The following DOCK1 variants were observed in gnomAD, a reference collection of about 807,000 sequenced individuals.
DOCK1 encodes the protein dedicator of cytokinesis 1, also known as dedicator of cytokinesis protein 1.
DOCK1 carries 138 observed loss-of-function variants against 262.7 expected under a neutral mutation model. The ratio of observed to expected loss-of-function variants is 0.53; its 90% CI spans 0.46 to 0.61. DOCK1 has a LOEUF of 0.61. Among genes scored for constraint, DOCK1 ranks in the 20% least tolerant of loss-of-function variants. The probability of loss-of-function intolerance (pLI) is 0.00; values close to 1 mark genes in which losing one functional copy is unlikely to be tolerated. For missense variants in DOCK1, 1,908 were observed against 2,370.7 expected (o/e 0.80, Z 4.05); for synonymous variants, 866 against 867.4 (o/e 1.00, Z 0.03).
chr10:126,974,431 G>A (rs1023023804), intron 2 of DOCK1, among the ~76,000 whole-genome samples: 1 of 152,126 alleles, frequency 6.6e-6, no homozygotes, highest in East Asian at 1.9e-4. Flanking sequence ...TGTCCTCCCC[G>A]AGTTTGGGAC....
intron 27 of DOCK1, among the ~76,000 whole-genome samples, chr10:127,199,260 C>T (rs1349744431): frequency 6.6e-6 from 1 of 152,142 alleles, no homozygotes; most frequent in Non-Finnish European, 1.5e-5. Context: ...ATCCACGTCT[C>T]TCTTCTTTTG....
chr10:126,968,318 A>G (rs1229488431), intron 1 of DOCK1, among the ~76,000 whole-genome samples: 1 of 151,024 alleles, frequency 6.6e-6, no homozygotes, highest in Non-Finnish European at 1.5e-5. Context: ...TAGTCCTAAA[A>G]TGAACAAAGG....
chr10:127,143,222 TA>T (rs1265393928), intron 27 of DOCK1, among the ~76,000 whole-genome samples: 1 of 152,194 alleles, frequency 6.6e-6, no homozygotes, highest in Non-Finnish European at 1.5e-5. Flanking sequence ...AGTTAAGAGT[TA>T]AAAGCAGGAC....
intron 29 of DOCK1, among the ~76,000 whole-genome samples, chr10:127,270,825 G>C (rs921683228): frequency 6.6e-6 from 1 of 152,162 alleles, no homozygotes; most frequent in African/African-American, 2.4e-5. Flanking sequence ...ACATCAGACT[G>C]ATTTTTCTTT....
At chr10:127,170,313 A>G (rs1287897723) in intron 27 of DOCK1, among the ~76,000 whole-genome samples, 1 of 152,150 alleles carries the variant, frequency 6.6e-6, no homozygotes, top group Non-Finnish European at 1.5e-5. Context: ...GTCATGTTTA[A>G]GGGCCTGGGG....
chr10:127,157,274 G>A (rs1297807080), intron 27 of DOCK1, among the ~76,000 whole-genome samples: 8 of 152,184 alleles, frequency 5.3e-5, no homozygotes, highest in Admixed American at 2.6e-4. Flanking sequence ...AGACCGTCAC[G>A]TGTTAACATC....
rs1359215206 is a variant in DOCK1, at chr10:127,396,963, C to T, written c.3928-6092C>T. Reference sequence around the variant, plus strand: ...GTGATCTGAGCATGAGTTACACGGGCAGCGTCTCCTGTGATCTGAGCATCA... The same window carrying T: ...GTGATCTGAGCATGAGTTACACGGGTAGCGTCTCCTGTGATCTGAGCATCA... On this transcript the variant is annotated intron_variant, in intron 38 of 51. Coordinates refer to ENST00000623213, the MANE Select transcript of DOCK1 (RefSeq NM_001290223.2). 3.7e-4 allele frequency among the ~76,000 whole-genome samples: 45 copies of T among 122,754 alleles called. 1 individual carries two copies. Among genetic ancestry groups the T allele is most frequent in the African/African-American group, 1.2e-3 (40 of 34,034 alleles). 80.5% of individuals were successfully genotyped at this position (122,754 alleles called of 152,430 possible).
At chr10:127,438,969 G>T in intron 48 of DOCK1, 58 bp from the exon 49 acceptor site, 1 of 1,478,668 alleles carries the variant, frequency 6.8e-7, no homozygotes, top group Non-Finnish European at 9.1e-7. Context: ...CTTTACACGT[G>T]TCTGTGGGCT....
intron 23 of DOCK1, among the ~76,000 whole-genome samples, chr10:127,079,367 AT>A (rs1564787494): frequency 6.6e-6 from 1 of 152,188 alleles, no homozygotes; most frequent in Non-Finnish European, 1.5e-5. Context: ...TTCTGTCTGC[AT>A]TTCCTCTCTG....
rs1039819829 is a variant in DOCK1 at position 127,080,807 on chromosome 10, T to C, written c.2445+19031T>C. Among the ~76,000 whole-genome samples the C allele has an allele frequency of 2.6e-5, 4 of 152,210 alleles. No individual in the cohort carries two copies. The East Asian group carries it at 5.8e-4, about 22-fold the overall frequency. On this transcript the variant is annotated intron_variant, in intron 23 of 51. Coordinates refer to ENST00000623213, the MANE Select transcript of DOCK1 (RefSeq NM_001290223.2). ...TAATTTAATATTTTAAAATGACACC[T>C]TTGGTCTTTTATTTGTCATAAGCGA...
chr10:127,410,540 A>G (rs2067783050), intron 42 of DOCK1, among the ~76,000 whole-genome samples: 2 of 152,252 alleles, frequency 1.3e-5, no homozygotes, highest in South Asian at 4.1e-4. Flanking sequence ...GTTGAACACA[A>G]AAGCTTTTTT....
intron 33 of DOCK1, among the ~76,000 whole-genome samples, chr10:127,369,485 TC>T (rs941109069): frequency 2.6e-5 from 4 of 152,178 alleles, no homozygotes; most frequent in Non-Finnish European, 5.9e-5. Context: ...TCTTCCATAA[TC>T]CCCTTTAACC....
At position 127,012,438 on chromosome 10, in the gene DOCK1, GGGTT is replaced by G. The variant is rs1304812553; in HGVS notation, c.1201+69_1201+72del. The G allele has an allele frequency of 5.3e-6, 8 of 1,523,308 alleles. No homozygotes were observed. The African/African-American group carries it at 8.2e-5, about 16-fold the overall frequency. 94.4% of individuals were successfully genotyped at this position (1,523,308 alleles called of 1,614,324 possible). On this transcript the variant is annotated intron_variant, in intron 12 of 51. Coordinates refer to ENST00000623213, the MANE Select transcript of DOCK1 (RefSeq NM_001290223.2). The surrounding 1 kb of genome is among the most constrained non-coding windows in gnomAD (Gnocchi z 4.0). ...TGCATGCGTTGGGGCAGTGCTGTCTGGGTTGGTTTTAGTTTGATGTTGATCATGA... is the reference window on the plus strand; with the variant it reads ...TGCATGCGTTGGGGCAGTGCTGTCTGGGTTTTAGTTTGATGTTGATCATGA...
rs768255810 is a variant in DOCK1, at chr10:127,271,843, C to A, written c.3044+14414C>A. Among the ~76,000 whole-genome samples, 3 of 152,238 alleles carry A rather than the reference C, an allele frequency of 2.0e-5. 1 individual carries two copies. Among genetic ancestry groups the A allele is most frequent in the African/African-American group, 7.2e-5 (3 of 41,468 alleles). On this transcript the variant is annotated intron_variant, in intron 29 of 51. Transcript: ENST00000623213. ...TTTTGGAGAATAAAAGGCAGTTACTCTTTTTATATTTGAGTCCACAAAGAA... is the reference window on the plus strand; with the variant it reads ...TTTTGGAGAATAAAAGGCAGTTACTATTTTTATATTTGAGTCCACAAAGAA...
intron 29 of DOCK1, among the ~76,000 whole-genome samples, chr10:127,323,021 C>A (rs1288824180): frequency 6.6e-6 from 1 of 152,160 alleles, no homozygotes; most frequent in South Asian, 2.1e-4. Flanking sequence ...CCTTGTGCTC[C>A]CCAGTCTGTT....
intron 11 of DOCK1, among the ~76,000 whole-genome samples, chr10:127,010,494 G>T (rs1000957648): frequency 1.3e-5 from 2 of 152,274 alleles, no homozygotes; most frequent in South Asian, 4.1e-4. Context: ...GAATGAAGTA[G>T]CATTAAACAT....
At chr10:127,151,101 C>A (rs1564844057) in intron 27 of DOCK1, among the ~76,000 whole-genome samples, 1 of 152,160 alleles carries the variant, frequency 6.6e-6, no homozygotes, top group South Asian at 2.1e-4. Flanking sequence ...CTCCCTTTAT[C>A]ATCTCTTCCT....
chr10:127,252,021 A>G (rs1320162919), intron 28 of DOCK1, among the ~76,000 whole-genome samples: 3 of 151,696 alleles, frequency 2.0e-5, no homozygotes, highest in East Asian at 1.9e-4. Flanking sequence ...AAGTGTTCCT[A>G]TTTCTCCACA....
At position 127,116,389 on chromosome 10, in the gene DOCK1, T is replaced by C. The variant is rs1418032740; in HGVS notation, c.2623+6035T>C. On this transcript the variant is annotated intron_variant, in intron 25 of 51. Transcript: ENST00000623213. ...ATCAAGCAGAGTAAAACTCTCCTTT[T>C]TAATGGTGGAAACATTAGTTACAGC... Among the ~76,000 whole-genome samples the C allele has an allele frequency of 5.3e-5, 8 of 152,322 alleles. No homozygotes were observed. The Middle Eastern group carries it at 0.01, about 194-fold the overall frequency.
Sources: allele counts gnomAD v4.1 joint callset (sites outside exome capture counted in the v4.1 genomes callset), GRCh38; gene constraint gnomAD v4.1.1; non-coding constraint Gnocchi (gnomAD v3.1); transcripts MANE v1.5; gene names NCBI Gene and HGNC (gene_info 2026-07-23, HGNC 2026-07-21).